The following N4BP2L2 variants were observed in gnomAD, a reference collection of about 807,000 sequenced individuals.
N4BP2L2 encodes NEDD4-binding protein 2-like 2.
In N4BP2L2, 50 loss-of-function variants were observed where a neutral mutation model predicts 56.2. The ratio of observed to expected loss-of-function variants is 0.89; its 90% confidence interval spans 0.71 to 1.13. The LOEUF (loss-of-function observed/expected upper bound fraction) is 1.13. Ranked by LOEUF, N4BP2L2 falls within the 50% of genes most tolerant of loss-of-function variation. N4BP2L2 has a pLI of 0.00. For synonymous variants in N4BP2L2, 203 were observed against 223.6 expected (o/e 0.91, Z 0.82); for missense variants, 689 against 693.8 (o/e 0.99, Z 0.08).
At chr13:32,446,567 G>A in intron 6 of N4BP2L2, 1 of 1,260,176 alleles carries the variant, frequency 7.9e-7, no homozygotes. Flanking sequence ...AATGACGTAA[G>A]AGACTCACTG....
chr13:32,520,158 T>C (rs1160604649), intron 5 of N4BP2L2, among the ~76,000 whole-genome samples: 1 of 151,936 alleles, frequency 6.6e-6, no homozygotes, highest in East Asian at 1.9e-4. Flanking sequence ...GAGTAACAGC[T>C]TGAAGCAAAC....
At chr13:32,499,246 T>C (rs1198233111) in intron 6 of N4BP2L2, among the ~76,000 whole-genome samples, 2 of 152,176 alleles carry the variant, frequency 1.3e-5, no homozygotes, top group Non-Finnish European at 2.9e-5. Flanking sequence ...CGGTGAAAAG[T>C]AACCCACAGC....
chr13:32,472,931 C>G (rs975312609), intron 6 of N4BP2L2, among the ~76,000 whole-genome samples: 1 of 152,074 alleles, frequency 6.6e-6, no homozygotes, highest in African/African-American at 2.4e-5. Context: ...TGTTGTAAGT[C>G]TAAACTGGAT....
intron 6 of N4BP2L2, among the ~76,000 whole-genome samples, chr13:32,494,072 A>C (rs2087849504): frequency 6.6e-6 from 1 of 152,134 alleles, no homozygotes; most frequent in Non-Finnish European, 1.5e-5. Context: ...CAGGAGTTTG[A>C]GAACAGCCTG....
chr13:32,476,458 A>G (rs895731690), intron 6 of N4BP2L2, among the ~76,000 whole-genome samples: 16 of 152,306 alleles, frequency 1.1e-4, no homozygotes, highest in African/African-American at 3.8e-4. Flanking sequence ...ATCACATCTA[A>G]GGATCTGGAA....
At chr13:32,506,807 G>A (rs2091029085), downstream of N4BP2L2, 1 of 152,120 alleles carries the variant, frequency 6.6e-6, no homozygotes, top group South Asian at 2.1e-4. Context: ...ACATGAAGTT[G>A]CATAGGAAAA....
At chr13:32,460,462 G>A (rs2079836934) in intron 6 of N4BP2L2, among the ~76,000 whole-genome samples, 1 of 152,034 alleles carries the variant, frequency 6.6e-6, no homozygotes, top group South Asian at 2.1e-4. Context: ...AAAGTTGCAA[G>A]ACATAAAATC....
At chr13:32,536,072 A>C (rs374797283) in exon 2 of N4BP2L2, 95 of 1,613,980 alleles carry the variant, frequency 5.9e-5, no homozygotes, top group Non-Finnish European at 8.1e-5. Context: ...ACAATTATTT[A>C]CATAATATCC....
At chr13:32,455,594 T>C (rs1308269953) in intron 6 of N4BP2L2, among the ~76,000 whole-genome samples, 1 of 152,190 alleles carries the variant, frequency 6.6e-6, no homozygotes, top group African/African-American at 2.4e-5. Flanking sequence ...TCAACACTTT[T>C]GCAACCACCT....
chr13:32,492,463 T>C (rs1022562721), intron 6 of N4BP2L2, among the ~76,000 whole-genome samples: 2 of 152,040 alleles, frequency 1.3e-5, no homozygotes, highest in Non-Finnish European at 2.9e-5. Flanking sequence ...ATTTTTCCTA[T>C]GTAGCAAATA....
At chr13:32,482,020 T>C (rs952244113) in intron 6 of N4BP2L2, among the ~76,000 whole-genome samples, 6 of 152,202 alleles carry the variant, frequency 3.9e-5, no homozygotes, top group Non-Finnish European at 8.8e-5. Flanking sequence ...CCAGGGTGTA[T>C]GGTACATGGG....
rs1485668257 is a variant in N4BP2L2, at chr13:32,495,410, C to T, written c.365+22447G>A. 4.6e-5 allele frequency among the ~76,000 whole-genome samples: 7 copies of T among 152,138 alleles called. No homozygotes were observed. The South Asian group carries it at 6.2e-4, about 13-fold the overall frequency. Reference sequence around the variant, plus strand: ...CAGCCTCTATTCTGTTTAGTACCCACGCAGTCAATCCCTACCCCCAGCCCC... The same window carrying T: ...CAGCCTCTATTCTGTTTAGTACCCATGCAGTCAATCCCTACCCCCAGCCCC... On this transcript the variant is annotated intron_variant, in intron 6 of 9. Coordinates refer to the N4BP2L2 transcript ENST00000357505.
chr13:32,531,357 CAA>C (rs1263724995), intron 2 of N4BP2L2, among the ~76,000 whole-genome samples: 1 of 152,106 alleles, frequency 6.6e-6, no homozygotes. Context: ...ACAAGTAAAC[CAA>C]GAGAATCTGT....
At chr13:32,441,427 T>C (rs1466577671) in intron 7 of N4BP2L2, among the ~76,000 whole-genome samples, 2 of 152,294 alleles carry the variant, frequency 1.3e-5, no homozygotes, top group African/African-American at 4.8e-5. Flanking sequence ...TTCAGGCCTG[T>C]AATCCCAGCA....
chr13:32,495,190 C>T (rs567673658), intron 6 of N4BP2L2, among the ~76,000 whole-genome samples: 1 of 152,336 alleles, frequency 6.6e-6, no homozygotes, highest in African/African-American at 2.4e-5. Context: ...AAAGGGCTAA[C>T]ATTCAGCCAG....
At chr13:32,498,089 G>A (rs541975214) in intron 6 of N4BP2L2, among the ~76,000 whole-genome samples, 22 of 152,124 alleles carry the variant, frequency 1.4e-4, no homozygotes, top group African/African-American at 4.8e-4. Flanking sequence ...GGGTTTAAGC[G>A]ACTCTCCCAT....
chr13:32,470,256 T>C (rs1180730893), intron 6 of N4BP2L2, among the ~76,000 whole-genome samples: 4 of 152,252 alleles, frequency 2.6e-5, no homozygotes, highest in Middle Eastern at 6.8e-3. Context: ...TTTGCCTTCA[T>C]GGGAGGGCGA....
exon 7 of N4BP2L2, chr13:32,443,326 T>A: frequency 6.2e-7 from 1 of 1,614,034 alleles, no homozygotes; most frequent in Non-Finnish European, 8.5e-7. Flanking sequence ...ACATGCTCTA[T>A]CTTTCTTTGG....
chr13:32,481,567 T>C lies in N4BP2L2; in HGVS notation c.365+36290A>G, dbSNP rs143280665. On this transcript the variant is annotated intron_variant, in intron 6 of 9. Coordinates refer to the N4BP2L2 transcript ENST00000357505. Reference sequence around the variant, plus strand: ...TGAGTAGTATACGTATGTACATGTATGTAATTTTAATGGAAGAGGGACTAT... The same window carrying C: ...TGAGTAGTATACGTATGTACATGTACGTAATTTTAATGGAAGAGGGACTAT... 7.6e-3 allele frequency among the ~76,000 whole-genome samples: 1,164 copies of C among 152,332 alleles called. 10 individuals carry two copies. Among genetic ancestry groups the C allele is most frequent in the Non-Finnish European group, 0.011 (723 of 68,024 alleles).
Sources: allele counts gnomAD v4.1 joint callset (sites outside exome capture counted in the v4.1 genomes callset), GRCh38; gene constraint gnomAD v4.1.1; transcripts MANE v1.5; gene names NCBI Gene and HGNC (gene_info 2026-07-23, HGNC 2026-07-21).